NEMF: variants seen among roughly 807,000 people sequenced by gnomAD.
NEMF encodes ribosome quality control complex subunit NEMF.
In NEMF, 89 loss-of-function variants were observed where a neutral mutation model predicts 162.2. That is an observed-to-expected ratio of 0.55 (90% CI 0.46 to 0.65). The LOEUF (loss-of-function observed/expected upper bound fraction) is 0.65, where lower values mean the gene tolerates loss of function less well. NEMF is among the 30% of genes least tolerant of loss of function. NEMF has a pLI of 0.00. For synonymous variants in NEMF, 421 were observed against 404.5 expected (o/e 1.04, Z -0.49); for missense variants, 1,133 against 1,261.9 (o/e 0.90, Z 1.55).
chr14:49,809,395 A>G (rs547763211), intron 18 of NEMF, among the ~76,000 whole-genome samples: 1 of 152,308 alleles, frequency 6.6e-6, no homozygotes, highest in African/African-American at 2.4e-5. Context: ...GCATACTACT[A>G]AGTGAAGAAG....
intron 4 of NEMF, among the ~76,000 whole-genome samples, chr14:49,843,014 T>G (rs574086262): frequency 6.7e-6 from 1 of 150,132 alleles, no homozygotes; most frequent in Non-Finnish European, 1.5e-5. Context: ...CAAAAAAAAT[T>G]AAAAAATAAA....
intron 4 of NEMF, among the ~76,000 whole-genome samples, chr14:49,842,161 C>G (rs956875263): frequency 6.9e-6 from 1 of 143,934 alleles, no homozygotes; most frequent in Non-Finnish European, 1.5e-5. Flanking sequence ...AAACCCCAAA[C>G]AGCCTAAATG....
At chr14:49,811,731 G>A (rs1336633016) in intron 18 of NEMF, among the ~76,000 whole-genome samples, 3 of 152,052 alleles carry the variant, frequency 2.0e-5, no homozygotes, top group Admixed American at 2.0e-4. Context: ...TTTATTAGTA[G>A]ATTATATTAC....
At chr14:49,829,471 C>T (rs1892532557) in intron 11 of NEMF, 45 bp from the exon 12 acceptor site, 2 of 1,448,434 alleles carry the variant, frequency 1.4e-6, no homozygotes. Flanking sequence ...ATTTCTCCTA[C>T]CTCATGACAT....
intron 3 of NEMF, among the ~76,000 whole-genome samples, chr14:49,847,237 T>C (rs1328916989): frequency 6.6e-6 from 1 of 152,068 alleles, no homozygotes; most frequent in East Asian, 1.9e-4. Context: ...AGTCTCACTT[T>C]GTCACCCAGG....
At position 49,806,028 on chromosome 14, in the gene NEMF, T is replaced by G. The variant is rs1465704409; in HGVS notation, c.1850A>C (p.His617Pro). ...RVITSAWWVY[H>P]HQVSKTAPTG... Reference sequence around the variant, plus strand: ...GACAAGAGCCCTTATTACCTGATGATGGTACACCCACCAAGCACTAGTGAT... The same window carrying G: ...GACAAGAGCCCTTATTACCTGATGAGGGTACACCCACCAAGCACTAGTGAT... The change falls in exon 19 of 33, where the codon CAT becomes CCT. Residue 617 changes from histidine to proline, a missense_variant. Physicochemically the swap from His to Pro is moderately conservative, Grantham distance 77 (BLOSUM62 -2). Coordinates refer to ENST00000298310, the MANE Select transcript of NEMF (RefSeq NM_004713.6). 2 of 1,607,128 alleles carry G rather than the reference T, an allele frequency of 1.2e-6. No homozygotes were observed. Among genetic ancestry groups the G allele is most frequent in the South Asian group, 2.2e-5 (2 of 90,724 alleles).
chr14:49,851,641 T>C lies in NEMF; in HGVS notation c.153A>G (p.Leu51=), dbSNP rs548635945. 1 of 1,613,904 alleles carries C rather than the reference T, an allele frequency of 6.2e-7. No individual in the cohort carries two copies. Among genetic ancestry groups the C allele is most frequent in the African/African-American group, 1.3e-5 (1 of 75,040 alleles). Residue 51 remains leucine, a synonymous_variant, in exon 3 of 33, where the codon TTA becomes TTG. Coordinates refer to ENST00000298310, the MANE Select transcript of NEMF (RefSeq NM_004713.6). ...TATGAATTCGTATGCCAGATTCAAG[T>C]AAAAGTGTAGCTTTAAAGTCCGGTC... is the stretch of plus-strand genomic sequence containing the variant. ...LQKPDFKATL[L]LESGIRIHTT...
chr14:49,825,873 A>C lies in NEMF; in HGVS notation c.1571T>G (p.Val524Gly). Residue 524 changes from valine (V) to glycine (G), a missense_variant, in exon 16 of 33, where the codon GTA becomes GGA. Coordinates refer to ENST00000298310, the MANE Select transcript of NEMF (RefSeq NM_004713.6). The stretch of plus-strand genomic sequence containing the variant: ...AAAGAGACAGAACACTTACCAATAT[A>C]CTTTTCTTGCTTTTTGAATAGAGGT... ...TVTSIQKARK[V>G]YWFEKFLWFI... The C allele has an allele frequency of 1.3e-6, 2 of 1,582,832 alleles. No homozygotes were observed.
intron 15 of NEMF, 42 bp from the exon 16 acceptor site, chr14:49,825,997 G>T: frequency 7.2e-7 from 1 of 1,383,742 alleles, no homozygotes; most frequent in Non-Finnish European, 1.0e-6. Flanking sequence ...TGTTAAGAAT[G>T]TATTTAAATA....
At chr14:49,798,893 C>T (rs528531191) in intron 25 of NEMF, among the ~76,000 whole-genome samples, 5 of 151,422 alleles carry the variant, frequency 3.3e-5, no homozygotes, top group African/African-American at 7.3e-5. Context: ...GGCGACAGAG[C>T]GAGACTCCAT....
At chr14:49,785,591 A>G (rs1890134447) in intron 29 of NEMF, 3 of 359,076 alleles carry the variant, frequency 8.4e-6, no homozygotes, top group South Asian at 7.9e-5. Flanking sequence ...TACATTTAAG[A>G]GAAAGAAGGC....
intron 17 of NEMF, 26 bp downstream of exon 17, chr14:49,814,728 T>A: frequency 7.6e-7 from 1 of 1,323,514 alleles, no homozygotes; most frequent in South Asian, 1.3e-5. Context: ...CAAGAGAAAA[T>A]TTTTCCGAAT....
Position 49,823,566 on chromosome 14 carries a change from T to A in NEMF, c.1577+2301A>T, listed in dbSNP as rs533183727. Among the ~76,000 whole-genome samples the A allele has an allele frequency of 3.3e-5, 5 of 152,080 alleles. No homozygotes were observed. In the South Asian group the frequency reaches 8.3e-4, roughly 25 times the overall value. The stretch of plus-strand genomic sequence containing the variant: ...ACTCCCAGGATGTAGAGCAAAACGA[T>A]AGACTTGAAAATAGAAAATACAACA... On this transcript the variant is annotated intron_variant, in intron 16 of 32. Transcript: ENST00000298310.
chr14:49,851,830 C>T lies in NEMF; in HGVS notation c.105G>A (p.Lys35=). The T allele has an allele frequency of 6.3e-7, 1 of 1,584,478 alleles. No homozygotes were observed. Among genetic ancestry groups the T allele is most frequent in the Non-Finnish European group, 8.6e-7 (1 of 1,160,626 alleles). Residue 35 remains lysine, a synonymous_variant, in exon 2 of 33, where the codon AAG becomes AAA. Transcript: ENST00000298310. ...ACTTTTGAAGACGAATAAGGTATGTCTTATTATCCACATCATAAACATTGT... is the reference window on the plus strand; with the variant it reads ...ACTTTTGAAGACGAATAAGGTATGTTTTATTATCCACATCATAAACATTGT... The part of the protein sequence containing the change: ...RVNNVYDVDN[K]TYLIRLQKPD...
chr14:49,784,050 G>A lies in NEMF; in HGVS notation c.*586C>T. On this transcript the variant is annotated 3_prime_UTR_variant, in exon 33 of 33. Transcript: ENST00000298310. ...TCACTGTTCAGTTTCTTTACATCAT[G>A]AAATGAATACTTGGTATTAACCTCC... The A allele has an allele frequency of 6.6e-6, 1 of 151,592 alleles. No homozygotes were observed. The highest frequency in any genetic ancestry group is 1.9e-4 in the East Asian group (1 of 5,184). The allele number at this position is 151,592 out of a possible 1,614,324, so 9.4% of individuals were successfully genotyped here. A position where few individuals can be genotyped will look rare whatever the true frequency, so the allele number is the denominator to read the frequency against.
intron 4 of NEMF, among the ~76,000 whole-genome samples, chr14:49,841,579 A>G (rs1163335186): frequency 1.1e-5 from 1 of 88,182 alleles, no homozygotes; most frequent in East Asian, 2.1e-4. Flanking sequence ...TCGTCTTAAG[A>G]AAAAAAAAAA....
Position 49,783,142 on chromosome 14 carries a change from G to T in NEMF, c.*1494C>A. The stretch of plus-strand genomic sequence containing the variant: ...ACAATAAATGTATTTAACACCAGTA[G>T]CTGTCCTCTATTAAAGTAAAGTAAT... On this transcript the variant is annotated 3_prime_UTR_variant, in exon 33 of 33. Transcript: ENST00000298310. 1 of 443,528 alleles carries T rather than the reference G, an allele frequency of 2.3e-6. No individual in the cohort carries two copies. The highest frequency in any genetic ancestry group is 5.3e-5 in the South Asian group (1 of 18,844). 27.5% of individuals were successfully genotyped at this position (443,528 alleles called of 1,614,324 possible). A position where few individuals can be genotyped will look rare whatever the true frequency, so the allele number is the denominator to read the frequency against.
intron 18 of NEMF, among the ~76,000 whole-genome samples, chr14:49,811,112 G>A (rs966493666): frequency 6.6e-6 from 1 of 152,118 alleles, no homozygotes; most frequent in African/African-American, 2.4e-5. Context: ...GTCCAATTTA[G>A]GTCTTTAATT....
At chr14:49,850,427 A>C (rs1462130843) in intron 3 of NEMF, among the ~76,000 whole-genome samples, 1 of 152,142 alleles carries the variant, frequency 6.6e-6, no homozygotes, top group Non-Finnish European at 1.5e-5. Flanking sequence ...TTAATCCAAT[A>C]ATTTCATGAA....
Sources: gnomAD v4.1 joint callset for allele counts (sites outside exome capture counted in the v4.1 genomes callset) on GRCh38, gnomAD v4.1.1 for gene constraint, MANE v1.5 for transcripts, NCBI Gene and HGNC (gene_info 2026-07-23, HGNC 2026-07-21) for gene names.